The following RIMS1 variants were observed in gnomAD, a reference collection of about 807,000 sequenced individuals.
RIMS1 encodes regulating synaptic membrane exocytosis 1, also known as regulating synaptic membrane exocytosis protein 1.
Under a neutral mutation model 214.1 loss-of-function variants are expected in RIMS1, and 83 were observed. The observed-to-expected ratio is 0.39, with a 90% CI of 0.32 to 0.47. The LOEUF (loss-of-function observed/expected upper bound fraction) is 0.47, where lower values mean the gene tolerates loss of function less well. Ranked by LOEUF, RIMS1 falls within the 20% of genes least tolerant of loss-of-function variation. The pLI is 0.99. For missense variants in RIMS1, 2,050 were observed against 2,161.8 expected (o/e 0.95, Z 1.03); for synonymous variants, 793 against 786.8 (o/e 1.01, Z -0.13).
At chr6:72,153,663 T>G (rs2044039236) in intron 4 of RIMS1, among the ~76,000 whole-genome samples, 2 of 152,184 alleles carry the variant, frequency 1.3e-5, no homozygotes, top group South Asian at 4.1e-4. Context: ...AAACAAAGCT[T>G]GTGCACTTAC....
chr6:71,968,786 C>T (rs907479882), intron 1 of RIMS1, among the ~76,000 whole-genome samples, 197 bp from the exon 2 acceptor site: 3 of 152,136 alleles, frequency 2.0e-5, no homozygotes, highest in Admixed American at 6.5e-5. Context: ...AGATTTTATT[C>T]GGGTATAATT....
Position 72,313,555 on chromosome 6 carries a change from A to C in RIMS1, c.4013A>C (p.Lys1338Thr). 2 of 1,613,846 alleles carry C rather than the reference A, an allele frequency of 1.2e-6. No homozygotes were observed. The highest frequency in any genetic ancestry group is 8.5e-7 in the Non-Finnish European group (1 of 1,179,836). Residue 1338 changes from lysine to threonine, a missense_variant, in exon 28 of 34, where the codon AAA becomes ACA. By Grantham distance (78) the Lys-to-Thr change is moderately conservative. This residue lies in a region of RIMS1 where 889 missense variants were observed against 885.5 expected (regional missense o/e 1.00). Coordinates refer to ENST00000521978, the MANE Select transcript of RIMS1 (RefSeq NM_014989.7). ...QYRSCDNVSA[K>T]SSDSDVSDVS... ...AGAAGCTGTGATAACGTCTCTGCCA[A>C]ATCATCAGATAGTGATGTCAGTGAT...
chr6:72,400,708 A>G lies in RIMS1; in HGVS notation c.5073A>G (p.Arg1691=). 6.2e-7 allele frequency: 1 copy of G among 1,609,830 alleles called. No individual in the cohort carries two copies. Residue 1691 remains arginine (R), a synonymous_variant, in exon 34 of 34, where the codon CGA becomes CGG. Coordinates refer to ENST00000521978, the MANE Select transcript of RIMS1 (RefSeq NM_014989.7). ...GTTCAACTGGGCCTCCCTGTATTCG[A>G]TCATAGTGAACTCATACCAGAGTCA... The part of the protein sequence containing the change: ...LESSTGPPCI[R]S
intron 2 of RIMS1, among the ~76,000 whole-genome samples, chr6:72,072,130 G>A (rs1830717209): frequency 6.6e-6 from 1 of 152,192 alleles, no homozygotes; most frequent in African/African-American, 2.4e-5. Flanking sequence ...TCAGGATGAT[G>A]TTGAAGGGAT....
At chr6:71,997,487 A>G (rs533935720) in intron 2 of RIMS1, among the ~76,000 whole-genome samples, 15 of 152,326 alleles carry the variant, frequency 9.8e-5, no homozygotes, top group South Asian at 2.1e-4. Context: ...CCTTTCATTA[A>G]TTTCTTCTCT....
At chr6:72,235,828 T>C in intron 8 of RIMS1, 100 bp downstream of exon 8, 1 of 501,326 alleles carries the variant, frequency 2.0e-6, no homozygotes, top group Non-Finnish European at 3.4e-6. Flanking sequence ...CATTTAAATA[T>C]TTTATATAAT....
In RIMS1 at chr6:72,317,017, C is replaced by T. The variant is rs189732320; in HGVS notation, c.4130+3345C>T. The T allele has an allele frequency of 2.4e-3, 1,157 of 472,572 alleles. 5 individuals are homozygous for T. The highest frequency in any genetic ancestry group is 3.8e-3 in the Non-Finnish European group (931 of 244,060). The allele number at this position is 472,572 out of a possible 1,614,324, so 29.3% of individuals were successfully genotyped here. A position where few individuals can be genotyped will look rare whatever the true frequency, so the allele number is the denominator to read the frequency against. On this transcript the variant is annotated intron_variant, in intron 28 of 33. Transcript: ENST00000521978. Reference sequence around the variant, plus strand: ...CTGCTGGGAAGCCTCCCCCTCCATTCTTATGGGGCTGGGAAGAGGGCAGAG... The same window carrying T: ...CTGCTGGGAAGCCTCCCCCTCCATTTTTATGGGGCTGGGAAGAGGGCAGAG...
At chr6:71,933,047 G>A (rs1783516217) in intron 1 of RIMS1, among the ~76,000 whole-genome samples, 1 of 152,104 alleles carries the variant, frequency 6.6e-6, no homozygotes, top group Non-Finnish European at 1.5e-5. Flanking sequence ...TTGCATTCTA[G>A]TGATTTGTAC....
chr6:72,359,052 A>G (rs1367797346), intron 29 of RIMS1, among the ~76,000 whole-genome samples: 1 of 152,224 alleles, frequency 6.6e-6, no homozygotes, highest in Admixed American at 6.5e-5. Context: ...ACATCATTAG[A>G]AAGCAATGTT....
intron 6 of RIMS1, among the ~76,000 whole-genome samples, chr6:72,225,048 T>A (rs1331920915): frequency 6.6e-6 from 1 of 152,148 alleles, no homozygotes; most frequent in Non-Finnish European, 1.5e-5. Context: ...ATAAAGTCCT[T>A]TAATGTATCT....
At chr6:72,091,359 G>GA (rs1562290266) in intron 2 of RIMS1, among the ~76,000 whole-genome samples, 1 of 152,118 alleles carries the variant, frequency 6.6e-6, no homozygotes, top group Non-Finnish European at 1.5e-5. Flanking sequence ...AATGGGAGAA[G>GA]AAAAAATACC....
chr6:71,982,929 T>C (rs1168181588), intron 2 of RIMS1, among the ~76,000 whole-genome samples: 1 of 152,180 alleles, frequency 6.6e-6, no homozygotes, highest in East Asian at 1.9e-4. Context: ...CTAACTTCTC[T>C]GGTCTAAATG....
At chr6:72,379,820 T>C (rs2098455337) in intron 29 of RIMS1, among the ~76,000 whole-genome samples, 4 of 152,190 alleles carry the variant, frequency 2.6e-5, no homozygotes, top group Non-Finnish European at 5.9e-5. Context: ...GAGCTGGTAC[T>C]TGAATCCAGG....
At chr6:72,108,667 T>A (rs1380470888) in intron 4 of RIMS1, among the ~76,000 whole-genome samples, 1 of 152,082 alleles carries the variant, frequency 6.6e-6, no homozygotes, top group Non-Finnish European at 1.5e-5. Flanking sequence ...TTTGAAACTT[T>A]AAAACTAAAG....
Position 71,913,989 on chromosome 6 carries a change from G to A in RIMS1, c.164+26802G>A, listed in dbSNP as rs188865629. Among the ~76,000 whole-genome samples the A allele has an allele frequency of 6.6e-5, 10 of 152,196 alleles. No individual in the cohort carries two copies. The East Asian group carries it at 1.7e-3, about 26-fold the overall frequency. On this transcript the variant is annotated intron_variant, in intron 1 of 33. Coordinates refer to ENST00000521978, the MANE Select transcript of RIMS1 (RefSeq NM_014989.7). ...CAAAGTAGTCATTGGGGTGTGGTGG[G>A]GAATAAGGATAGCTGACCAGCTGTA...
At chr6:72,071,298 G>A (rs1051885053) in intron 2 of RIMS1, among the ~76,000 whole-genome samples, 1 of 152,120 alleles carries the variant, frequency 6.6e-6, no homozygotes, top group Non-Finnish European at 1.5e-5. Flanking sequence ...CTGCTTGGGA[G>A]GCTGAGGTGG....
chr6:72,043,911 C>T (rs1002494066), intron 2 of RIMS1, among the ~76,000 whole-genome samples: 1 of 151,452 alleles, frequency 6.6e-6, no homozygotes, highest in Non-Finnish European at 1.5e-5. Flanking sequence ...ATTAACCCAA[C>T]AACCCCTGTG....
intron 2 of RIMS1, among the ~76,000 whole-genome samples, chr6:72,081,271 T>C (rs1297327516): frequency 6.6e-6 from 1 of 152,172 alleles, no homozygotes; most frequent in African/African-American, 2.4e-5. Flanking sequence ...AAGTGAAGTA[T>C]AGCAAAGTGT....
At chr6:71,911,183 T>G (rs1268321368) in intron 1 of RIMS1, among the ~76,000 whole-genome samples, 2 of 152,092 alleles carry the variant, frequency 1.3e-5, no homozygotes, top group Non-Finnish European at 2.9e-5. Context: ...CAGATTCCAT[T>G]GTTGGCTTAT....
Sources: gnomAD v4.1 joint callset for allele counts (sites outside exome capture counted in the v4.1 genomes callset) on GRCh38, gnomAD v4.1.1 for gene constraint, gnomAD v4.1.1 regional missense constraint, MANE v1.5 for transcripts, NCBI Gene and HGNC (gene_info 2026-07-23, HGNC 2026-07-21) for gene names.